The following PDE4B variants were observed in gnomAD, a reference collection of about 807,000 sequenced individuals.
PDE4B encodes the protein 3',5'-cyclic-AMP phosphodiesterase 4B.
Under a neutral mutation model 82.2 loss-of-function variants are expected in PDE4B, and 20 were observed. The observed-to-expected ratio is 0.24, with a 90% CI of 0.17 to 0.35. The LOEUF is 0.35. Ranked by LOEUF, PDE4B falls within the 10% of genes least tolerant of loss-of-function variation. The pLI, the probability that PDE4B is intolerant of heterozygous loss-of-function variation, is 1.00. For missense variants in PDE4B, 655 were observed against 907.2 expected, an observed-to-expected ratio of 0.72 and a Z score of 3.57; for synonymous variants, 320 against 318.9, an observed-to-expected ratio of 1.00 and a Z score of -0.04.
intron 3 of PDE4B, among the ~76,000 whole-genome samples, chr1:65,934,414 A>G (rs761532251): frequency 2.0e-5 from 3 of 152,236 alleles, no homozygotes; most frequent in Non-Finnish European, 4.4e-5. Context: ...AGTGCACTCC[A>G]GTCTGGGTGA....
chr1:66,279,692 A>G (rs973649136), intron 7 of PDE4B, among the ~76,000 whole-genome samples: 4 of 152,228 alleles, frequency 2.6e-5, no homozygotes, highest in Admixed American at 2.6e-4. Context: ...GCAGTAGGAC[A>G]ATATTCACTT....
At chr1:66,118,418 G>T (rs1645640674) in intron 3 of PDE4B, among the ~76,000 whole-genome samples, 1 of 152,194 alleles carries the variant, frequency 6.6e-6, no homozygotes, top group Non-Finnish European at 1.5e-5. Context: ...CATGTCCTTT[G>T]TAGGGACATG....
chr1:65,914,470 C>CTTCTTTT (rs1553120183), intron 2 of PDE4B, among the ~76,000 whole-genome samples: 1 of 145,056 alleles, frequency 6.9e-6, no homozygotes, highest in Non-Finnish European at 1.5e-5. Flanking sequence ...TCTTCTTCTT[C>CTTCTTTT]TTTTTTTTTT....
chr1:66,020,003 G>A (rs1026173433), intron 3 of PDE4B, among the ~76,000 whole-genome samples: 8 of 152,202 alleles, frequency 5.3e-5, no homozygotes, highest in Non-Finnish European at 1.0e-4. Flanking sequence ...ACAGAGACCT[G>A]TATGAGACTG....
At chr1:65,946,363 T>C (rs889889529) in intron 3 of PDE4B, among the ~76,000 whole-genome samples, 3 of 151,972 alleles carry the variant, frequency 2.0e-5, no homozygotes, top group Non-Finnish European at 4.4e-5. Flanking sequence ...TTCTGAAAAA[T>C]ACTGCCTTGG....
intron 1 of PDE4B, among the ~76,000 whole-genome samples, chr1:65,830,243 A>T (rs181646113): frequency 5.6e-4 from 85 of 152,320 alleles, no homozygotes; most frequent in African/African-American, 1.9e-3. Context: ...ATATAAACAA[A>T]TGATTGAAAA....
intron 7 of PDE4B, among the ~76,000 whole-genome samples, chr1:66,311,631 G>A (rs964541740): frequency 1.3e-5 from 2 of 152,248 alleles, no homozygotes; most frequent in African/African-American, 4.8e-5. Flanking sequence ...CGAGTGCCCA[G>A]CAGCAGCAGT....
chr1:66,074,795 T>C (rs988283513), intron 3 of PDE4B, among the ~76,000 whole-genome samples: 3 of 152,170 alleles, frequency 2.0e-5, no homozygotes, highest in Non-Finnish European at 2.9e-5. Context: ...TCATCTATGG[T>C]GTAGTATATG....
intron 9 of PDE4B, among the ~76,000 whole-genome samples, 164 bp downstream of exon 9, chr1:66,355,784 A>G (rs1662189455): frequency 6.6e-6 from 1 of 152,180 alleles, no homozygotes; most frequent in Admixed American, 6.5e-5. Context: ...AAAAAAAATA[A>G]GCAGGAAGAT....
intron 1 of PDE4B, among the ~76,000 whole-genome samples, chr1:65,846,451 G>A (rs1027106901): frequency 2.6e-5 from 4 of 152,178 alleles, no homozygotes; most frequent in Admixed American, 2.0e-4. Context: ...CAAAGAAATA[G>A]GTCAGTTTGG....
intron 3 of PDE4B, among the ~76,000 whole-genome samples, chr1:66,185,502 G>C (rs1259449926): frequency 2.0e-5 from 3 of 151,974 alleles, no homozygotes; most frequent in African/African-American, 7.2e-5. Context: ...TCCAGCACCT[G>C]TTGTTTCCTG....
chr1:66,035,476 T>A (rs931087552), intron 3 of PDE4B, among the ~76,000 whole-genome samples: 4 of 152,178 alleles, frequency 2.6e-5, no homozygotes, highest in African/African-American at 4.8e-5. Flanking sequence ...TCTCCTCTTT[T>A]CCTGTTCACT....
In PDE4B at chr1:65,939,340, C is replaced by A. The variant is rs377477112; in HGVS notation, c.281+20505C>A. On this transcript the variant is annotated intron_variant, in intron 3 of 16. Coordinates refer to ENST00000341517, the MANE Select transcript of PDE4B (RefSeq NM_002600.4). ...AATGAAGAGGCATCCTCCTCCTTTC[C>A]CTTTTCCCTTTCTACTGGTTGGAAT... Among the ~76,000 whole-genome samples, 10 of 152,132 alleles carry A rather than the reference C, an allele frequency of 6.6e-5. No homozygotes were observed. In the East Asian group the frequency reaches 1.7e-3, roughly 27 times the overall value.
chr1:66,053,703 CA>C (rs1343006831), intron 3 of PDE4B, among the ~76,000 whole-genome samples: 1 of 151,810 alleles, frequency 6.6e-6, no homozygotes, highest in Non-Finnish European at 1.5e-5. Flanking sequence ...CACTAAAATA[CA>C]AAAAATTGGC....
At chr1:66,354,754 G>T in intron 8 of PDE4B, 1 of 1,495,634 alleles carries the variant, frequency 6.7e-7, no homozygotes, top group Non-Finnish European at 8.9e-7. Context: ...CACTGAATCT[G>T]CAGGGCTTTC....
At chr1:66,341,191 A>C (rs1271203909) in intron 8 of PDE4B, among the ~76,000 whole-genome samples, 1 of 152,224 alleles carries the variant, frequency 6.6e-6, no homozygotes, top group Non-Finnish European at 1.5e-5. Context: ...TAACTTTGTA[A>C]AATATAGAGC....
At chr1:66,370,935 A>G (rs888679166) in intron 16 of PDE4B, among the ~76,000 whole-genome samples, 3 of 151,438 alleles carry the variant, frequency 2.0e-5, no homozygotes, top group African/African-American at 7.3e-5. Context: ...AGTTTTTGTA[A>G]CCAGTATAGA....
At chr1:66,002,078 T>C (rs1311043274) in intron 3 of PDE4B, among the ~76,000 whole-genome samples, 2 of 152,164 alleles carry the variant, frequency 1.3e-5, no homozygotes, top group Non-Finnish European at 2.9e-5. Context: ...ATCATGGATG[T>C]CCCACTTTAT....
intron 3 of PDE4B, among the ~76,000 whole-genome samples, chr1:66,072,386 C>A (rs1054898411): frequency 2.6e-5 from 4 of 152,098 alleles, no homozygotes; most frequent in African/African-American, 9.7e-5. Flanking sequence ...ATTTTTCACC[C>A]ATGTTGCTAA....
Sources: allele counts gnomAD v4.1 joint callset (sites outside exome capture counted in the v4.1 genomes callset), GRCh38; gene constraint gnomAD v4.1.1; transcripts MANE v1.5; gene names NCBI Gene and HGNC (gene_info 2026-07-23, HGNC 2026-07-21).